The following ASCC1 variants were observed in gnomAD, a reference collection of about 807,000 sequenced individuals.
The protein encoded by ASCC1 is ASC-1 complex subunit P50.
Under a neutral mutation model 46.6 loss-of-function variants are expected in ASCC1, and 35 were observed. That is an observed-to-expected ratio of 0.75 (90% CI 0.57 to 0.99). ASCC1 has a LOEUF of 0.99. ASCC1 is among the 50% of genes least tolerant of loss of function. The pLI, the probability that ASCC1 is intolerant of heterozygous loss-of-function variation, is 0.00. For synonymous variants in ASCC1, 143 were observed against 146.6 expected (o/e 0.98, Z 0.18); for missense variants, 376 against 428.7 (o/e 0.88, Z 1.09).
chr10:72,185,568 A>C (rs908521398), intron 5 of ASCC1, among the ~76,000 whole-genome samples: 1 of 152,218 alleles, frequency 6.6e-6, no homozygotes, highest in Admixed American at 6.5e-5. Flanking sequence ...TATATCATAT[A>C]ATTCCATTCA....
At position 72,122,702 on chromosome 10, in the gene ASCC1, C is replaced by G. The variant is rs1281253906; in HGVS notation, c.957+5380G>C. 2.0e-5 allele frequency among the ~76,000 whole-genome samples: 3 copies of G among 150,466 alleles called. No individual in the cohort carries two copies. In the East Asian group the frequency reaches 6.0e-4, roughly 30 times the overall value. ...CTGAGGTGAAAGGATTACTTGAGTC[C>G]ATGAGTTCGAGGCTGCGATGAGCTA... On this transcript the variant is annotated intron_variant, in intron 9 of 9. Transcript: ENST00000672957.
chr10:72,127,335 T>C (rs531330765), intron 9 of ASCC1, among the ~76,000 whole-genome samples: 6 of 152,136 alleles, frequency 3.9e-5, no homozygotes, highest in Non-Finnish European at 8.8e-5. Context: ...TACAGAAGGG[T>C]AGTCTGTTAG....
chr10:72,133,228 G>C (rs1282682180), intron 7 of ASCC1, 47 bp from the exon 8 acceptor site: 1 of 1,601,638 alleles, frequency 6.2e-7, no homozygotes, highest in South Asian at 1.1e-5. Context: ...GTAAACTTCT[G>C]AACATGCGAT....
chr10:72,161,698 A>G (rs766812610), intron 5 of ASCC1, 24 bp from the exon 6 acceptor site: 5 of 1,614,042 alleles, frequency 3.1e-6, no homozygotes, highest in Non-Finnish European at 4.2e-6. Flanking sequence ...GAGAAAAACA[A>G]GAAACTCAGC....
At chr10:72,123,687 A>C (rs191831218) in intron 9 of ASCC1, among the ~76,000 whole-genome samples, 1 of 152,322 alleles carries the variant, frequency 6.6e-6, no homozygotes, top group East Asian at 1.9e-4. Flanking sequence ...AATTGAATTT[A>C]TCTTTTCAAC....
At chr10:72,206,183 T>C (rs1018462033) in intron 3 of ASCC1, among the ~76,000 whole-genome samples, 4 of 150,744 alleles carry the variant, frequency 2.7e-5, no homozygotes, top group African/African-American at 9.8e-5. Flanking sequence ...GGCGGGTGGA[T>C]CACCTGAGGT....
chr10:72,188,488 C>A (rs527946050), intron 5 of ASCC1, among the ~76,000 whole-genome samples: 2 of 151,370 alleles, frequency 1.3e-5, no homozygotes, highest in East Asian at 1.9e-4. Context: ...CTACCTTTAG[C>A]AATATGAACC....
chr10:72,100,734 T>G (rs1176379916), intron 9 of ASCC1, among the ~76,000 whole-genome samples: 2 of 152,034 alleles, frequency 1.3e-5, no homozygotes, highest in Non-Finnish European at 2.9e-5. Flanking sequence ...TATCAATTAT[T>G]TCTAATGACT....
At chr10:72,137,604 G>A (rs1374464703) in intron 7 of ASCC1, among the ~76,000 whole-genome samples, 1 of 150,466 alleles carries the variant, frequency 6.6e-6, no homozygotes, top group Non-Finnish European at 1.5e-5. Flanking sequence ...AATTAAGAGA[G>A]ATGTTGTGCT....
intron 5 of ASCC1, among the ~76,000 whole-genome samples, chr10:72,190,839 T>C (rs969176128): frequency 3.3e-5 from 5 of 151,044 alleles, no homozygotes; most frequent in Admixed American, 1.3e-4. Context: ...CTATTAAAAA[T>C]ATAAAAATTC....
At chr10:72,174,029 T>C (rs1851563995) in intron 5 of ASCC1, among the ~76,000 whole-genome samples, 1 of 152,258 alleles carries the variant, frequency 6.6e-6, no homozygotes, top group South Asian at 2.1e-4. Context: ...TGTTTCTTTA[T>C]GACTAAGTCA....
intron 6 of ASCC1, among the ~76,000 whole-genome samples, chr10:72,160,081 T>C (rs1163968272): frequency 1.3e-5 from 2 of 152,082 alleles, no homozygotes; most frequent in Non-Finnish European, 2.9e-5. Flanking sequence ...ATTTTTTGCA[T>C]TTTTAGTAGA....
At chr10:72,108,409 A>G (rs1842593418) in intron 9 of ASCC1, among the ~76,000 whole-genome samples, 1 of 152,210 alleles carries the variant, frequency 6.6e-6, no homozygotes, top group South Asian at 2.1e-4. Flanking sequence ...AAGTGAAAAC[A>G]AGCTGTACAG....
At chr10:72,151,204 C>T (rs946146944) in intron 7 of ASCC1, among the ~76,000 whole-genome samples, 1 of 152,182 alleles carries the variant, frequency 6.6e-6, no homozygotes, top group South Asian at 2.1e-4. Context: ...CCCGAATGTC[C>T]ATCAATGATA....
At position 72,151,626 on chromosome 10, in the gene ASCC1, G is replaced by A. The variant is rs150737866; in HGVS notation, c.746+1243C>T. Among the ~76,000 whole-genome samples, 21 of 152,044 alleles carry A rather than the reference G, an allele frequency of 1.4e-4. No individual in the cohort carries two copies. In the East Asian group the frequency reaches 2.9e-3, roughly 21 times the overall value. ...AAGAGTAAACATTTTTTGATGTTTC[G>A]ATAATGTAAGTCTGTGCCAAGCACT... is the stretch of plus-strand genomic sequence containing the variant. On this transcript the variant is annotated intron_variant, in intron 7 of 9. Coordinates refer to ENST00000672957, the MANE Select transcript of ASCC1 (RefSeq NM_001198800.3).
At chr10:72,154,344 G>A (rs1259262988) in intron 6 of ASCC1, among the ~76,000 whole-genome samples, 2 of 152,176 alleles carry the variant, frequency 1.3e-5, no homozygotes, top group Non-Finnish European at 2.9e-5. Context: ...CTAAAGAGGA[G>A]CTCTATAAAT....
intron 9 of ASCC1, among the ~76,000 whole-genome samples, chr10:72,126,033 C>T (rs1471109971): frequency 6.6e-6 from 1 of 152,198 alleles, no homozygotes; most frequent in African/African-American, 2.4e-5. Context: ...ACACTCACTG[C>T]CCCACCATTA....
At chr10:72,167,766 G>A (rs984764190) in intron 5 of ASCC1, among the ~76,000 whole-genome samples, 2 of 151,578 alleles carry the variant, frequency 1.3e-5, no homozygotes, top group Non-Finnish European at 2.9e-5. Flanking sequence ...CCTCCCTGTG[G>A]CTGGGACTAC....
At chr10:72,144,210 C>A (rs1482076697) in intron 7 of ASCC1, among the ~76,000 whole-genome samples, 2 of 152,040 alleles carry the variant, frequency 1.3e-5, no homozygotes, top group African/African-American at 2.4e-5. Context: ...CTCCTGACCT[C>A]ATGATCCACC....
Sources: gnomAD v4.1 joint callset for allele counts (sites outside exome capture counted in the v4.1 genomes callset) on GRCh38, gnomAD v4.1.1 for gene constraint, MANE v1.5 for transcripts, NCBI Gene and HGNC (gene_info 2026-07-23, HGNC 2026-07-21) for gene names.